The following COL4A6 variants were observed in gnomAD, a reference collection of about 807,000 sequenced individuals.
The protein encoded by COL4A6 is collagen type IV alpha 6 chain.
A neutral mutation model predicts 126.7 loss-of-function variants in COL4A6; 59 were observed. That is an observed-to-expected ratio of 0.47 (90% CI 0.38 to 0.58). The LOEUF (loss-of-function observed/expected upper bound fraction) is 0.58. COL4A6 is among the 20% of genes least tolerant of loss of function. COL4A6 has a pLI of 0.00. For missense variants in COL4A6, 1,285 were observed against 1,337.3 expected, an observed-to-expected ratio of 0.96 and a Z score of 0.61; for synonymous variants, 547 against 496.6, an observed-to-expected ratio of 1.10 and a Z score of -1.35.
intron 2 of COL4A6, among the ~76,000 whole-genome samples, chrX:108,314,570 A>G (rs550097302): frequency 5.4e-4 from 60 of 112,000 alleles, no homozygotes; most frequent in Middle Eastern, 9.3e-3. Context: ...CATAACGTTT[A>G]TAAGGGAAAA....
At chrX:108,180,383 T>C (rs965505505) in intron 25 of COL4A6, 132 bp downstream of exon 25, 52 of 525,532 alleles carry the variant, frequency 9.9e-5, no homozygotes, top group African/African-American at 8.0e-4. Flanking sequence ...TAAACAATCC[T>C]ACCCACACCA....
chrX:108,296,057 T>C (rs892750163), intron 3 of COL4A6, among the ~76,000 whole-genome samples: 8 of 112,095 alleles, frequency 7.1e-5, no homozygotes, highest in African/African-American at 2.6e-4. Context: ...TAGATTTGGG[T>C]TGTGTGCTTT....
chrX:108,289,242 A>AGTGTGTGTGTGTGTGT (rs34639525), intron 3 of COL4A6, among the ~76,000 whole-genome samples: 1 of 91,329 alleles, frequency 1.1e-5, no homozygotes, highest in Non-Finnish European at 2.2e-5. Flanking sequence ...CAATGAGTAT[A>AGTGTGTGTGTGTGTGT]GTGTGTGTGT....
chrX:108,319,894 G>C (rs1169680238), intron 2 of COL4A6, among the ~76,000 whole-genome samples: 5 of 111,998 alleles, frequency 4.5e-5, no homozygotes, highest in African/African-American at 1.6e-4. Context: ...ACACAGGAGA[G>C]AGATGGAAGA....
At chrX:108,349,222 A>G (rs1181512659) in intron 2 of COL4A6, among the ~76,000 whole-genome samples, 1 of 111,820 alleles carries the variant, frequency 8.9e-6, no homozygotes, top group African/African-American at 3.3e-5. Flanking sequence ...ATTGCTGTAA[A>G]AAGTTCAGAG....
chrX:108,274,314 A>T (rs1459577454), intron 3 of COL4A6, among the ~76,000 whole-genome samples: 2 of 111,476 alleles, frequency 1.8e-5, no homozygotes, highest in African/African-American at 3.3e-5. Context: ...GCAAGGCAGG[A>T]TAAGCATGTT....
chrX:108,204,503 A>G (rs770828189), intron 11 of COL4A6, 91 bp from the exon 12 acceptor site: 1 of 786,129 alleles, frequency 1.3e-6, no homozygotes. Flanking sequence ...TAACTCACAA[A>G]TAAACTGTCT....
chrX:108,221,439 C>T, intron 3 of COL4A6, 65 bp from the exon 4 acceptor site: 1 of 1,128,261 alleles, frequency 8.9e-7, no homozygotes, highest in East Asian at 3.0e-5. Context: ...TCTCATTTTC[C>T]CACGCACAAA....
rs2034011803 is a variant in COL4A6 at position 108,163,028 on chromosome X, G to C, written c.4080C>G (p.Gly1360=). 8.4e-7 allele frequency: 1 copy of C among 1,194,086 alleles called. No individual in the cohort carries two copies. Among genetic ancestry groups the C allele is most frequent in the East Asian group, 3.1e-5 (1 of 32,417 alleles). The change falls in exon 41 of 45, where the codon GGC becomes GGG. Residue 1360 remains glycine, a synonymous_variant. Transcript: ENST00000334504. ...KGKAGPRGSS[G]LQGDPGQTPT... Reference sequence around the variant, plus strand: ...GTGTTTGTCCAGGATCACCTTGGAGGCCAGAAGAGCCTGTGGGCAGGTGGG... The same window carrying C: ...GTGTTTGTCCAGGATCACCTTGGAGCCCAGAAGAGCCTGTGGGCAGGTGGG...
intron 2 of COL4A6, among the ~76,000 whole-genome samples, chrX:108,434,865 G>C: frequency 9.1e-6 from 1 of 109,692 alleles, no homozygotes; most frequent in South Asian, 3.9e-4. Context: ...ATATTTGCTA[G>C]CAGGTAAAGT....
chrX:108,425,078 T>C (rs960737531), intron 2 of COL4A6, among the ~76,000 whole-genome samples: 2 of 110,870 alleles, frequency 1.8e-5, no homozygotes, highest in African/African-American at 6.6e-5. Flanking sequence ...TAAAACAAAG[T>C]ATGCACCATT....
At chrX:108,164,796 C>G in intron 39 of COL4A6, 81 bp downstream of exon 39, 1 of 1,182,109 alleles carries the variant, frequency 8.5e-7, no homozygotes, top group Non-Finnish European at 1.1e-6. Context: ...CATCAGCCAC[C>G]GGCCTCTCTT....
intron 4 of COL4A6, among the ~76,000 whole-genome samples, chrX:108,220,220 G>A (rs2035980872): frequency 8.9e-6 from 1 of 112,162 alleles, no homozygotes; most frequent in Admixed American, 9.4e-5. Context: ...TCAGGAACCA[G>A]GGGCACCCTG....
intron 2 of COL4A6, among the ~76,000 whole-genome samples, chrX:108,322,594 T>G (rs189736727): frequency 2.1e-4 from 23 of 111,873 alleles, no homozygotes; most frequent in Non-Finnish European, 3.8e-4. Flanking sequence ...GACCTTAAAG[T>G]AAATCCAACA....
intron 2 of COL4A6, 67 bp from the exon 3 acceptor site, chrX:108,310,895 A>C: frequency 1.2e-6 from 1 of 830,751 alleles, no homozygotes; most frequent in Non-Finnish European, 1.8e-6. Flanking sequence ...CAGCAGACCT[A>C]ACTCTTAGCT....
intron 3 of COL4A6, among the ~76,000 whole-genome samples, chrX:108,278,201 A>G (rs1602988844): frequency 8.9e-6 from 1 of 112,096 alleles, no homozygotes; most frequent in Admixed American, 9.4e-5. Flanking sequence ...TCCGAGCTAC[A>G]GGAGGAAATT....
intron 28 of COL4A6, among the ~76,000 whole-genome samples, chrX:108,176,085 G>A (rs1482274024): frequency 9.0e-6 from 1 of 110,904 alleles, no homozygotes; most frequent in Non-Finnish European, 1.9e-5. Flanking sequence ...AGCACTTTGG[G>A]AAGGTGAGGC....
intron 2 of COL4A6, among the ~76,000 whole-genome samples, chrX:108,392,098 C>T (rs2040851839): frequency 8.9e-6 from 1 of 112,138 alleles, no homozygotes; most frequent in South Asian, 3.7e-4. Flanking sequence ...TGCTACATCA[C>T]ACAATATGTA....
intron 2 of COL4A6, among the ~76,000 whole-genome samples, chrX:108,322,240 T>A (rs1056147363): frequency 3.6e-5 from 4 of 111,686 alleles, no homozygotes; most frequent in Non-Finnish European, 7.5e-5. Context: ...CAAGCTGGGT[T>A]CTGTCCCATG....
Sources: allele counts gnomAD v4.1 joint callset (sites outside exome capture counted in the v4.1 genomes callset), GRCh38; gene constraint gnomAD v4.1.1; transcripts MANE v1.5; gene names NCBI Gene and HGNC (gene_info 2026-07-23, HGNC 2026-07-21).